IL1RAP: variants seen among roughly 807,000 people sequenced by gnomAD.
The protein encoded by IL1RAP is interleukin 1 receptor accessory protein.
A neutral mutation model predicts 60.7 loss-of-function variants in IL1RAP; 35 were observed. That is an observed-to-expected ratio of 0.58 (90% CI 0.44 to 0.76). The LOEUF is 0.76. Among genes scored for constraint, IL1RAP ranks in the 30% least tolerant of loss-of-function variants. IL1RAP has a pLI of 0.00. For missense variants in IL1RAP, 572 were observed against 693.9 expected, an observed-to-expected ratio of 0.82 and a Z score of 1.97; for synonymous variants, 268 against 250.9, an observed-to-expected ratio of 1.07 and a Z score of -0.64.
intron 3 of IL1RAP, among the ~76,000 whole-genome samples, chr3:190,582,599 G>A (rs1458509760): frequency 1.3e-5 from 2 of 152,080 alleles, no homozygotes; most frequent in Non-Finnish European, 2.9e-5. Context: ...ATTATAGGCT[G>A]AGCCACCCTG....
At chr3:190,529,746 C>T (rs1358784126) in intron 1 of IL1RAP, among the ~76,000 whole-genome samples, 2 of 141,290 alleles carry the variant, frequency 1.4e-5, no homozygotes, top group East Asian at 2.1e-4. Flanking sequence ...CCCAGCTACT[C>T]GGGAGGCTGA....
At chr3:190,633,509 AC>A (rs1448277679) in intron 9 of IL1RAP, among the ~76,000 whole-genome samples, 1 of 151,918 alleles carries the variant, frequency 6.6e-6, no homozygotes, top group Non-Finnish European at 1.5e-5. Context: ...GGTCCCCACT[AC>A]CATACCCGGC....
At chr3:190,550,499 A>G (rs1724771600) in intron 1 of IL1RAP, 1 of 152,316 alleles carries the variant, frequency 6.6e-6, no homozygotes, top group South Asian at 2.1e-4. Context: ...ACATTTCCAG[A>G]TAACTGGTGG....
intron 1 of IL1RAP, among the ~76,000 whole-genome samples, chr3:190,529,213 G>A (rs567386546): frequency 5.3e-5 from 8 of 152,300 alleles, no homozygotes; most frequent in South Asian, 2.1e-4. Flanking sequence ...TCAGACGGAG[G>A]AGTTTAAAGG....
intron 1 of IL1RAP, among the ~76,000 whole-genome samples, chr3:190,519,277 T>A (rs1721804975): frequency 1.3e-5 from 2 of 152,200 alleles, no homozygotes; most frequent in Admixed American, 6.5e-5. Context: ...GAAAATACTC[T>A]TATTGTTTTA....
At chr3:190,551,994 T>C (rs531156183) in intron 1 of IL1RAP, among the ~76,000 whole-genome samples, 1 of 152,344 alleles carries the variant, frequency 6.6e-6, no homozygotes, top group South Asian at 2.1e-4. Flanking sequence ...AACATCATTT[T>C]GGCAATCCAA....
At chr3:190,538,405 G>A (rs952041975) in intron 1 of IL1RAP, among the ~76,000 whole-genome samples, 2 of 152,152 alleles carry the variant, frequency 1.3e-5, no homozygotes, top group African/African-American at 4.8e-5. Flanking sequence ...TCACTTGGTT[G>A]CTTTTGTGTG....
At chr3:190,529,869 A>G (rs1577513299) in intron 1 of IL1RAP, among the ~76,000 whole-genome samples, 1 of 151,586 alleles carries the variant, frequency 6.6e-6, no homozygotes, top group African/African-American at 2.4e-5. Flanking sequence ...AAAAAAAAAA[A>G]AAAAAGAAAA....
At chr3:190,567,214 C>T (rs1001961749) in intron 3 of IL1RAP, among the ~76,000 whole-genome samples, 2 of 152,150 alleles carry the variant, frequency 1.3e-5, no homozygotes, top group Non-Finnish European at 2.9e-5. Context: ...ATCCCCTTAT[C>T]CCCTCAGGAA....
intron 3 of IL1RAP, among the ~76,000 whole-genome samples, chr3:190,592,972 G>A (rs1435598240): frequency 6.6e-6 from 1 of 152,062 alleles, no homozygotes; most frequent in African/African-American, 2.4e-5. Flanking sequence ...TAAATACCTG[G>A]TGCCATAAAC....
At chr3:190,546,135 C>T (rs558223333) in intron 1 of IL1RAP, among the ~76,000 whole-genome samples, 1 of 152,220 alleles carries the variant, frequency 6.6e-6, no homozygotes, top group African/African-American at 2.4e-5. Context: ...TTTCCTATTG[C>T]TGTTCTCAGC....
Position 190,604,178 on chromosome 3 carries a change from G to C in IL1RAP, c.115G>C (p.Glu39Gln). The change falls in exon 4 of 12, where the codon GAA (glutamate) becomes CAA (glutamine). Residue 39 changes from glutamate to glutamine, a missense_variant. Coordinates refer to ENST00000447382, the MANE Select transcript of IL1RAP (RefSeq NM_002182.4). ...LDTMRQIQVF[E>Q]DEPARIKCPL... ...CACCATGAGGCAAATCCAAGTGTTT[G>C]AAGATGAGCCAGCTCGCATCAAGTG... 1 of 1,614,036 alleles carries C rather than the reference G, an allele frequency of 6.2e-7. No individual in the cohort carries two copies. Among genetic ancestry groups the C allele is most frequent in the Non-Finnish European group, 8.5e-7 (1 of 1,179,968 alleles).
intron 1 of IL1RAP, among the ~76,000 whole-genome samples, chr3:190,551,177 A>G (rs1368123972): frequency 6.6e-6 from 1 of 152,224 alleles, no homozygotes; most frequent in African/African-American, 2.4e-5. Context: ...GGAACCCTGT[A>G]CAAGGACTGT....
At chr3:190,653,943 C>A (rs1183623610), downstream of IL1RAP, among the ~76,000 whole-genome samples, 1 of 152,108 alleles carries the variant, frequency 6.6e-6, no homozygotes, top group Non-Finnish European at 1.5e-5. Flanking sequence ...TGAGAAGCAT[C>A]TCCTACATGT....
chr3:190,571,385 G>A (rs1021257788), intron 3 of IL1RAP, among the ~76,000 whole-genome samples: 2 of 151,832 alleles, frequency 1.3e-5, no homozygotes, highest in Admixed American at 6.6e-5. Flanking sequence ...GTATGGTGAT[G>A]CACACCTGTA....
intron 2 of IL1RAP, among the ~76,000 whole-genome samples, chr3:190,559,208 A>T (rs902389795): frequency 4.6e-5 from 7 of 152,142 alleles, no homozygotes; most frequent in Admixed American, 3.9e-4. Context: ...TACCATTTGA[A>T]TATCTCCGTG....
At chr3:190,535,936 C>G (rs1481384620) in intron 1 of IL1RAP, among the ~76,000 whole-genome samples, 1 of 152,188 alleles carries the variant, frequency 6.6e-6, no homozygotes, top group Non-Finnish European at 1.5e-5. Context: ...ACACTGCTAT[C>G]ATATAGCAAA....
chr3:190,520,627 AT>A (rs564246573), intron 1 of IL1RAP: 1 of 152,176 alleles, frequency 6.6e-6, no homozygotes, highest in Non-Finnish European at 1.5e-5. Flanking sequence ...GGCAGCTGCA[AT>A]GAGCTTCGAT....
intron 1 of IL1RAP, among the ~76,000 whole-genome samples, chr3:190,549,502 C>T (rs1470700064): frequency 2.6e-5 from 4 of 152,208 alleles, no homozygotes; most frequent in African/African-American, 9.6e-5. Context: ...GGTTGCAAGA[C>T]CATTTGGAGT....
Sources: allele counts gnomAD v4.1 joint callset (sites outside exome capture counted in the v4.1 genomes callset), GRCh38; gene constraint gnomAD v4.1.1; transcripts MANE v1.5; gene names NCBI Gene and HGNC (gene_info 2026-07-23, HGNC 2026-07-21).